The following NUP98 variants were observed in gnomAD, a reference collection of about 807,000 sequenced individuals.
NUP98 encodes nucleoporin 98 and 96 precursor.
In NUP98, 26 loss-of-function variants were observed where a neutral mutation model predicts 191.9. That is an observed-to-expected ratio of 0.14 (90% CI 0.10 to 0.19). NUP98 has a LOEUF of 0.19. NUP98 is among the 10% of genes least tolerant of loss of function. The pLI is 1.00. For missense variants in NUP98, 1,941 were observed against 2,178.8 expected (o/e 0.89, Z 2.17); for synonymous variants, 808 against 778.4 (o/e 1.04, Z -0.63).
rs761888391 is a variant in NUP98 at position 3,702,558 on chromosome 11, A to G, written c.3417T>C (p.Ser1139=). 1.2e-6 allele frequency: 2 copies of G among 1,614,010 alleles called. No homozygotes were observed. The highest frequency in any genetic ancestry group is 2.2e-5 in the East Asian group (1 of 44,898). ...GWGPNWTLAN[S]GEQLNGSHEL... is the part of the protein sequence containing the mutation. ...CATGAGAGCCATTCAGCTGTTCTCC[A>G]CTATTAGCAAGAGTCCAGTTGGGGC... The change falls in exon 23 of 33, where the codon AGT becomes AGC. Residue 1139 remains serine (S), a synonymous_variant. Coordinates refer to ENST00000324932, the MANE Select transcript of NUP98 (RefSeq NM_016320.5).
rs149583596 is a variant in NUP98, at chr11:3,762,526, C to T, written c.1086+376G>A. The stretch of plus-strand genomic sequence containing the variant: ...GATCAACCCCAAAAACATTTCATTC[C>T]CAAACATCATACCAATTTATCACCT... On this transcript the variant is annotated intron_variant, in intron 9 of 32. Coordinates refer to ENST00000324932, the MANE Select transcript of NUP98 (RefSeq NM_016320.5). Among the ~76,000 whole-genome samples the T allele has an allele frequency of 2.5e-3, 376 of 152,218 alleles. 1 individual carries two copies. Among genetic ancestry groups the T allele is most frequent in the African/African-American group, 8.9e-3 (368 of 41,542 alleles).
At chr11:3,723,035 G>T in intron 16 of NUP98, 122 bp downstream of exon 16, 1 of 829,684 alleles carries the variant, frequency 1.2e-6, no homozygotes, top group Non-Finnish European at 1.9e-6. Context: ...CTCCTATGTG[G>T]GATCACATAA....
intron 11 of NUP98, among the ~76,000 whole-genome samples, chr11:3,749,104 C>T (rs947498124): frequency 5.1e-4 from 74 of 146,144 alleles, no homozygotes; most frequent in African/African-American, 1.7e-3. Flanking sequence ...GTCAGGAGAT[C>T]GAGACCATCC....
intron 28 of NUP98, among the ~76,000 whole-genome samples, chr11:3,688,480 C>T: frequency 6.6e-6 from 1 of 151,360 alleles, no homozygotes; most frequent in East Asian, 2.0e-4. Flanking sequence ...CAATAAAAAG[C>T]TACATTCTAT....
At chr11:3,739,954 T>A (rs989871013) in intron 12 of NUP98, among the ~76,000 whole-genome samples, 1 of 152,202 alleles carries the variant, frequency 6.6e-6, no homozygotes, top group Non-Finnish European at 1.5e-5. Context: ...TTCTTTAGCT[T>A]ACTTTATAGT....
chr11:3,704,167 C>T (rs1164722853), intron 22 of NUP98, among the ~76,000 whole-genome samples: 3 of 152,014 alleles, frequency 2.0e-5, no homozygotes, highest in East Asian at 3.9e-4. Flanking sequence ...TCCTCTATAC[C>T]AAAGGGAAGT....
intron 28 of NUP98, among the ~76,000 whole-genome samples, chr11:3,687,557 A>T (rs1452084586): frequency 6.6e-6 from 1 of 152,228 alleles, no homozygotes; most frequent in Non-Finnish European, 1.5e-5. Flanking sequence ...AGCTGGATAA[A>T]CAATAGACAC....
intron 23 of NUP98, among the ~76,000 whole-genome samples, chr11:3,702,133 G>T (rs2078700623): frequency 6.6e-6 from 1 of 151,952 alleles, no homozygotes; most frequent in Admixed American, 6.6e-5. Context: ...AGCTTATCAG[G>T]AGGCTGAGGC....
At chr11:3,687,500 TAGA>T (rs1352401117) in intron 28 of NUP98, among the ~76,000 whole-genome samples, 1 of 152,230 alleles carries the variant, frequency 6.6e-6, no homozygotes, top group African/African-American at 2.4e-5. Context: ...TGTTTTCTTC[TAGA>T]AGGTTTATAG....
chr11:3,700,152 G>A (rs943559288), intron 24 of NUP98, among the ~76,000 whole-genome samples: 4 of 151,282 alleles, frequency 2.6e-5, no homozygotes, highest in Non-Finnish European at 5.9e-5. Context: ...TCAAGAGATC[G>A]AGACAATCCT....
chr11:3,789,284 G>C (rs2082254222), intron 1 of NUP98, among the ~76,000 whole-genome samples: 1 of 152,100 alleles, frequency 6.6e-6, no homozygotes, highest in African/African-American at 2.4e-5. Context: ...TGGCTAGCTA[G>C]AATGCCATAA....
intron 11 of NUP98, among the ~76,000 whole-genome samples, chr11:3,751,991 C>A (rs2080776164): frequency 6.6e-6 from 1 of 151,556 alleles, no homozygotes; most frequent in Non-Finnish European, 1.5e-5. Flanking sequence ...GCCTGGCCAA[C>A]ATGGGGAAAC....
At chr11:3,726,786 C>T (rs972657724) in intron 14 of NUP98, among the ~76,000 whole-genome samples, 3 of 144,550 alleles carry the variant, frequency 2.1e-5, no homozygotes, top group Non-Finnish European at 3.1e-5. Flanking sequence ...ACTTTTCTTT[C>T]TTTTTTTTTT....
At chr11:3,682,488 T>C (rs1408446569) in intron 30 of NUP98, among the ~76,000 whole-genome samples, 1 of 152,218 alleles carries the variant, frequency 6.6e-6, no homozygotes, top group Non-Finnish European at 1.5e-5. Flanking sequence ...ATTTCGTGAT[T>C]ATTGGGTCTT....
intron 7 of NUP98, among the ~76,000 whole-genome samples, chr11:3,769,619 A>C (rs183986113): frequency 2.5e-4 from 37 of 150,924 alleles, no homozygotes; most frequent in African/African-American, 8.5e-4. Flanking sequence ...TAAATCATGG[A>C]ATATCAAGAT....
At chr11:3,692,726 A>G (rs1589969397) in intron 27 of NUP98, among the ~76,000 whole-genome samples, 1 of 152,146 alleles carries the variant, frequency 6.6e-6, no homozygotes, top group East Asian at 1.9e-4. Context: ...AACCCCCCAT[A>G]CTTATCTTGC....
At chr11:3,774,390 C>T (rs533485691) in intron 5 of NUP98, among the ~76,000 whole-genome samples, 6 of 151,480 alleles carry the variant, frequency 4.0e-5, no homozygotes, top group Admixed American at 1.3e-4. Flanking sequence ...CTGGCCTGGG[C>T]GACAGAGTGA....
chr11:3,695,563 G>A lies in NUP98; in HGVS notation c.4053C>T (p.Ser1351=). The change falls in exon 26 of 33, where the codon AGC becomes AGT. Residue 1351 remains serine (S), a synonymous_variant. Transcript: ENST00000324932. The part of the protein sequence containing the change: ...LALLLSQFVG[S]QSVRELLTMQ... ...TGGTGAGCAGCTCCCGGACTGACTG[G>A]CTACCCACAAACTGAGATAAAAGAA... The A allele has an allele frequency of 6.2e-7, 1 of 1,603,090 alleles. No homozygotes were observed. The highest frequency in any genetic ancestry group is 1.1e-5 in the South Asian group (1 of 89,138).
At chr11:3,705,395 G>A (rs2078829948) in intron 21 of NUP98, 39 bp from the exon 22 acceptor site, 1 of 1,597,996 alleles carries the variant, frequency 6.3e-7, no homozygotes. Context: ...GTGCTTCCCA[G>A]AATCAAAAGG....
Sources: gnomAD v4.1 joint callset for allele counts (sites outside exome capture counted in the v4.1 genomes callset) on GRCh38, gnomAD v4.1.1 for gene constraint, MANE v1.5 for transcripts, NCBI Gene and HGNC (gene_info 2026-07-23, HGNC 2026-07-21) for gene names.